EEPD1: variants seen among roughly 807,000 people sequenced by gnomAD.
EEPD1 encodes endonuclease/exonuclease/phosphatase family domain containing 1, also known as endonuclease/exonuclease/phosphatase family domain-containing protein 1.
A neutral mutation model predicts 46.3 loss-of-function variants in EEPD1; 17 were observed. The observed-to-expected ratio is 0.37, with a 90% CI of 0.25 to 0.55. The LOEUF (loss-of-function observed/expected upper bound fraction) is 0.55. Among genes scored for constraint, EEPD1 ranks in the 20% least tolerant of loss-of-function variants. The pLI is 0.83. For synonymous variants in EEPD1, 313 were observed against 315.6 expected (o/e 0.99, Z 0.09); for missense variants, 673 against 745.6 (o/e 0.90, Z 1.13).
intron 6 of EEPD1, among the ~76,000 whole-genome samples, chr7:36,293,878 C>A (rs1226277115): frequency 1.6e-4 from 25 of 151,916 alleles, no homozygotes; most frequent in Admixed American, 1.6e-3. Context: ...GCAGGAGAAT[C>A]GCTTGAACCC....
chr7:36,249,880 G>C lies in EEPD1; in HGVS notation c.930+10844G>C, dbSNP rs560174318. ...AGCAATAAGTGCTTTAAAAAAAACA[G>C]GTTGTCAAGAGGGAGGTCCTCACCT... On this transcript the variant is annotated intron_variant, in intron 3 of 7. Coordinates refer to ENST00000242108, the MANE Select transcript of EEPD1 (RefSeq NM_030636.3). Among the ~76,000 whole-genome samples, 8 of 152,232 alleles carry C rather than the reference G, an allele frequency of 5.3e-5. No individual in the cohort carries two copies. The South Asian group carries it at 8.3e-4, about 16-fold the overall frequency.
chr7:36,274,355 G>A (rs561329833), intron 3 of EEPD1, among the ~76,000 whole-genome samples: 4 of 152,218 alleles, frequency 2.6e-5, no homozygotes, highest in Non-Finnish European at 5.9e-5. Flanking sequence ...GTAGACCTCA[G>A]CAGAGAGTGT....
At chr7:36,220,869 G>A (rs925600925) in intron 2 of EEPD1, among the ~76,000 whole-genome samples, 6 of 152,018 alleles carry the variant, frequency 3.9e-5, no homozygotes, top group Non-Finnish European at 7.4e-5. Context: ...GTGCAATCTC[G>A]GCTCACTGCA....
chr7:36,240,845 A>G (rs1786544577), intron 3 of EEPD1, among the ~76,000 whole-genome samples: 1 of 152,230 alleles, frequency 6.6e-6, no homozygotes, highest in South Asian at 2.1e-4. Context: ...ACCTCAGATC[A>G]TCAGGCATTA....
intron 3 of EEPD1, among the ~76,000 whole-genome samples, chr7:36,271,715 G>T (rs1402986744): frequency 9.5e-6 from 1 of 105,696 alleles, no homozygotes; most frequent in Non-Finnish European, 2.2e-5. Flanking sequence ...TATTGCCTAG[G>T]TTTTCATGGT....
At chr7:36,239,142 G>A (rs975235319) in intron 3 of EEPD1, 106 bp downstream of exon 3, 8 of 1,119,778 alleles carry the variant, frequency 7.1e-6, no homozygotes, top group Non-Finnish European at 1.1e-5. Context: ...CTGAAAAGAC[G>A]GTCAGTTATT....
At chr7:36,185,011 G>A (rs550603193) in intron 2 of EEPD1, among the ~76,000 whole-genome samples, 49 of 152,284 alleles carry the variant, frequency 3.2e-4, no homozygotes, top group African/African-American at 1.0e-3. Flanking sequence ...GATTCCAGGC[G>A]TGAGACACTG....
chr7:36,207,758 G>A (rs1277947437), intron 2 of EEPD1, among the ~76,000 whole-genome samples: 2 of 152,158 alleles, frequency 1.3e-5, no homozygotes, highest in African/African-American at 4.8e-5. Context: ...CAGTAAGGAT[G>A]TGTGCTTGAA....
chr7:36,187,692 T>C (rs1243693669), intron 2 of EEPD1, among the ~76,000 whole-genome samples: 1 of 152,258 alleles, frequency 6.6e-6, no homozygotes, highest in Non-Finnish European at 1.5e-5. Flanking sequence ...TTGTGAATAA[T>C]GCTGCTGTGA....
rs1361471789 is a variant in EEPD1, at chr7:36,154,004, G to A, written c.-192-129G>A. On this transcript the variant is annotated intron_variant, in intron 1 of 7. Coordinates refer to ENST00000242108, the MANE Select transcript of EEPD1 (RefSeq NM_030636.3). This position sits in a 1 kb window ranked among gnomAD's most constrained non-coding sequence, Gnocchi z 4.2. ...ACATGGGCCTAGCCTCATTGTGCCTGCGTTTTTAGGGGTTCACGGGCAGCC... is the reference window on the plus strand; with the variant it reads ...ACATGGGCCTAGCCTCATTGTGCCTACGTTTTTAGGGGTTCACGGGCAGCC... 5.1e-6 allele frequency: 2 copies of A among 388,846 alleles called. No individual in the cohort carries two copies. The highest frequency in any genetic ancestry group is 9.5e-6 in the Non-Finnish European group (2 of 211,324). The allele number at this position is 388,846 out of a possible 1,614,324, so 24.1% of individuals were successfully genotyped here. A position where few individuals can be genotyped will look rare whatever the true frequency, so the allele number is the denominator to read the frequency against.
chr7:36,277,953 A>G (rs546117665), intron 3 of EEPD1, among the ~76,000 whole-genome samples: 5 of 146,322 alleles, frequency 3.4e-5, no homozygotes, highest in Non-Finnish European at 5.9e-5. Flanking sequence ...CCTGTGAGTG[A>G]AAAGTTTTTA....
chr7:36,239,052 T>A lies in EEPD1; in HGVS notation c.930+16T>A. 1 of 1,611,014 alleles carries A rather than the reference T, an allele frequency of 6.2e-7. No individual in the cohort carries two copies. The highest frequency in any genetic ancestry group is 1.1e-5 in the South Asian group (1 of 90,202). ...CTTGGAAAAGGTAAATATTTTACTC[T>A]TCCTTCCACATTCACAAACCAAGAA... is the stretch of plus-strand genomic sequence containing the variant. On this transcript the variant is annotated intron_variant, in intron 3 of 7. Transcript: ENST00000242108.
intron 2 of EEPD1, among the ~76,000 whole-genome samples, chr7:36,178,555 C>T (rs1193291632): frequency 2.0e-5 from 3 of 152,236 alleles, no homozygotes; most frequent in Admixed American, 2.0e-4. Context: ...GGACAGTCTT[C>T]CCTCTCTTCT....
chr7:36,155,591 A>C (rs1300451078), intron 2 of EEPD1, among the ~76,000 whole-genome samples: 1 of 152,200 alleles, frequency 6.6e-6, no homozygotes, highest in Non-Finnish European at 1.5e-5. Context: ...AATGGGAGGG[A>C]AAATCATATT....
At chr7:36,240,942 A>T (rs1278927772) in intron 3 of EEPD1, among the ~76,000 whole-genome samples, 2 of 152,186 alleles carry the variant, frequency 1.3e-5, no homozygotes, top group Non-Finnish European at 2.9e-5. Flanking sequence ...CATGGTTATA[A>T]CTTATTCTCA....
chr7:36,188,564 G>A (rs1243191279), intron 2 of EEPD1, among the ~76,000 whole-genome samples: 3 of 152,200 alleles, frequency 2.0e-5, no homozygotes, highest in African/African-American at 7.2e-5. Context: ...AGGGATTACT[G>A]TGTGTTGGAA....
intron 2 of EEPD1, among the ~76,000 whole-genome samples, chr7:36,209,247 TACTC>T (rs959697851): frequency 1.3e-5 from 2 of 152,236 alleles, no homozygotes; most frequent in African/African-American, 2.4e-5. Context: ...CATTATTTTA[TACTC>T]ACTGTCTCTT....
At chr7:36,190,770 G>T (rs950355261) in intron 2 of EEPD1, among the ~76,000 whole-genome samples, 2 of 152,218 alleles carry the variant, frequency 1.3e-5, no homozygotes, top group Non-Finnish European at 2.9e-5. Flanking sequence ...TTCAAAGTGG[G>T]GGAGGTTGGG....
intron 3 of EEPD1, among the ~76,000 whole-genome samples, chr7:36,274,887 C>G (rs879792224): frequency 6.6e-6 from 1 of 152,164 alleles, no homozygotes; most frequent in Non-Finnish European, 1.5e-5. Flanking sequence ...CTGTCATTTG[C>G]CCTGTGTCCT....
Sources: gnomAD v4.1 joint callset for allele counts (sites outside exome capture counted in the v4.1 genomes callset) on GRCh38, gnomAD v4.1.1 for gene constraint, Gnocchi (gnomAD v3.1) non-coding constraint, MANE v1.5 for transcripts, NCBI Gene and HGNC (gene_info 2026-07-23, HGNC 2026-07-21) for gene names.